Variants in KISS1 observed in about 807,000 individuals in gnomAD.
KISS1 encodes the protein KiSS-1 metastasis suppressor, also known as metastasis-suppressor KiSS-1.
For synonymous variants in KISS1, 97 were observed against 88.7 expected (o/e 1.09, Z -0.52); for missense variants, 182 against 182.7 (o/e 1.00, Z 0.02).
chr1:204,195,499 C>T (rs1658840821), intron 1 of KISS1, among the ~76,000 whole-genome samples: 1 of 149,100 alleles, frequency 6.7e-6, no homozygotes, highest in Non-Finnish European at 1.5e-5. Flanking sequence ...ATCATACACA[C>T]ACATACACCA....
Position 204,190,816 on chromosome 1 carries a change from A to G in KISS1, c.104-19T>C. The G allele has an allele frequency of 6.2e-7, 1 of 1,602,974 alleles. No homozygotes were observed. The highest frequency in any genetic ancestry group is 8.5e-7 in the Non-Finnish European group (1 of 1,173,826). Reference sequence around the variant, plus strand: ...TGCTGGCCTAGGACAGAGGGCACAGAAAGATGAGGCCGGGGTCCGGGAAAG... The same window carrying G: ...TGCTGGCCTAGGACAGAGGGCACAGGAAGATGAGGCCGGGGTCCGGGAAAG... On this transcript the variant is annotated intron_variant, in intron 2 of 2. Transcript: ENST00000367194.
Position 204,190,509 on chromosome 1 carries a change from T to C in KISS1, c.392A>G (p.His131Arg), listed in dbSNP as rs1336218292. Residue 131 changes from histidine (H) to arginine (R), a missense_variant, in exon 3 of 3, where the codon CAC (histidine) becomes CGC (arginine). Coordinates refer to ENST00000367194, the MANE Select transcript of KISS1 (RefSeq NM_002256.4). Reference sequence around the variant, plus strand: ...TCAGCCCCGCCCAGCGCTTCTGCCGTGGTTCCCTGGTGCCGCCTCCCGCTT... The same window carrying C: ...TCAGCCCCGCCCAGCGCTTCTGCCGCGGTTCCCTGGTGCCGCCTCCCGCTT... ...FGKREAAPGNHGRSAGRG is the reference protein window; with the variant it reads ...FGKREAAPGNRGRSAGRG The C allele has an allele frequency of 6.3e-7, 1 of 1,595,912 alleles. No homozygotes were observed. Among genetic ancestry groups the C allele is most frequent in the Non-Finnish European group, 8.5e-7 (1 of 1,173,220 alleles).
In KISS1 at chr1:204,190,696, T is replaced by C; in HGVS notation, c.205A>G (p.Thr69Ala). The change falls in exon 3 of 3, where the codon ACC becomes GCC. Residue 69 changes from threonine to alanine, a missense_variant. Physicochemically the swap from Thr to Ala is moderately conservative, Grantham distance 58. Coordinates refer to ENST00000367194, the MANE Select transcript of KISS1 (RefSeq NM_002256.4). ...AATARLSRRGTSLSPPPESSG... is the reference protein window; with the variant it reads ...AATARLSRRGASLSPPPESSG... ...CTCTCGGGGGGCGGGGACAGCGAGGTCCCCCGACGGCTCAGCCTGGCAGTA... is the reference window on the plus strand; with the variant it reads ...CTCTCGGGGGGCGGGGACAGCGAGGCCCCCCGACGGCTCAGCCTGGCAGTA... The C allele has an allele frequency of 6.3e-7, 1 of 1,596,908 alleles. No homozygotes were observed. Among genetic ancestry groups the C allele is most frequent in the Non-Finnish European group, 8.5e-7 (1 of 1,173,534 alleles).
intron 1 of KISS1, among the ~76,000 whole-genome samples, chr1:204,195,225 ACACATATACACGCATACACCCAT>A: frequency 7.0e-6 from 1 of 142,066 alleles, no homozygotes; most frequent in Non-Finnish European, 1.6e-5. Flanking sequence ...ACACACCCAT[ACACATATACACGCATACACCCAT>A]ACACACACAT....
chr1:204,192,638 G>A lies in KISS1; in HGVS notation c.103+136C>T. ...GTTAACAGGACCCCCTCAATGAGTT[G>A]CATGTGTGCCAGTCTTAGATTTCCA... On this transcript the variant is annotated intron_variant, in intron 2 of 2. Transcript: ENST00000367194. This position sits in a 1 kb window ranked among gnomAD's most constrained non-coding sequence, Gnocchi z 4.2. 1 of 693,036 alleles carries A rather than the reference G, an allele frequency of 1.4e-6. No individual in the cohort carries two copies. Among genetic ancestry groups the A allele is most frequent in the Non-Finnish European group, 2.7e-6 (1 of 376,576 alleles). 42.9% of individuals were successfully genotyped at this position (693,036 alleles called of 1,614,324 possible).
Position 204,192,900 on chromosome 1 carries a change from A to G in KISS1, c.-24T>C. 6.7e-7 allele frequency: 1 copy of G among 1,483,350 alleles called. No homozygotes were observed. Among genetic ancestry groups the G allele is most frequent in the Non-Finnish European group, 9.3e-7 (1 of 1,077,404 alleles). 91.9% of individuals were successfully genotyped at this position (1,483,350 alleles called of 1,614,324 possible). Reference sequence around the variant, plus strand: ...ATCTTGGTGAGAAGAGGCAGGTCCTAGAAGTGCCTTGAGGCTGAGACAGAG... The same window carrying G: ...ATCTTGGTGAGAAGAGGCAGGTCCTGGAAGTGCCTTGAGGCTGAGACAGAG... On this transcript the variant is annotated 5_prime_UTR_variant, in exon 2 of 3. Coordinates refer to ENST00000367194, the MANE Select transcript of KISS1 (RefSeq NM_002256.4). The surrounding 1 kb of genome is among the most constrained non-coding windows in gnomAD (Gnocchi z 4.2).
Position 204,190,662 on chromosome 1 carries a change from C to G in KISS1, c.239G>C (p.Ser80Thr), listed in dbSNP as rs1354576158. ...SLSPPPESSG[S>T]PQQPGLSAPH... ...GGCGGACAGGCCCGGCTGCTGGGGG[C>G]TCCCGGAGCTCTCGGGGGGCGGGGA... The change falls in exon 3 of 3, where the codon AGC becomes ACC. Residue 80 changes from serine (S) to threonine (T), a missense_variant. Coordinates refer to ENST00000367194, the MANE Select transcript of KISS1 (RefSeq NM_002256.4). 1 of 1,586,036 alleles carries G rather than the reference C, an allele frequency of 6.3e-7. No individual in the cohort carries two copies.
At position 204,192,908 on chromosome 1, in the gene KISS1, C is replaced by G. The variant is rs1658772534; in HGVS notation, c.-32G>C. The G allele has an allele frequency of 5.6e-6, 8 of 1,438,638 alleles. No individual in the cohort carries two copies. Among genetic ancestry groups the G allele is most frequent in the Non-Finnish European group, 7.7e-6 (8 of 1,039,330 alleles). The allele number at this position is 1,438,638 out of a possible 1,614,324, so 89.1% of individuals were successfully genotyped here. A position where few individuals can be genotyped will look rare whatever the true frequency, so the allele number is the denominator to read the frequency against. On this transcript the variant is annotated 5_prime_UTR_variant, in exon 2 of 3. Transcript: ENST00000367194. The surrounding 1 kb of genome is among the most constrained non-coding windows in gnomAD (Gnocchi z 4.2). ...GAGAAGAGGCAGGTCCTAGAAGTGC[C>G]TTGAGGCTGAGACAGAGAGAGGGAA...
Position 204,192,359 on chromosome 1 carries a change from T to C in KISS1, c.103+415A>G, listed in dbSNP as rs1331887943. Among the ~76,000 whole-genome samples, 1 of 151,598 alleles carries C rather than the reference T, an allele frequency of 6.6e-6. No homozygotes were observed. Among genetic ancestry groups the C allele is most frequent in the African/African-American group, 2.4e-5 (1 of 41,206 alleles). On this transcript the variant is annotated intron_variant, in intron 2 of 2. Coordinates refer to ENST00000367194, the MANE Select transcript of KISS1 (RefSeq NM_002256.4). This position sits in a 1 kb window ranked among gnomAD's most constrained non-coding sequence, Gnocchi z 4.2. ...AGACAGTTCATTGTCTCCAAAAGGT[T>C]AATAGGTATCAAATATCTGCCCTTT... is the stretch of plus-strand genomic sequence containing the variant.
At chr1:204,195,319 T>TACACCACACACACCACAC (rs1658831433) in intron 1 of KISS1, among the ~76,000 whole-genome samples, 1 of 3,846 alleles carries the variant, frequency 2.6e-4, no homozygotes, top group Non-Finnish European at 5.6e-4. Context: ...CACATACACA[T>TACACCACACACACCACAC]ATGCCACACA....
Position 204,193,000 on chromosome 1 carries a change from G to T in KISS1, c.-38-86C>A. ...GGCAGAGCCCAGTGCAAAAGGGACA[G>T]TCCTCCAAGAGAGGGGCAAGTTCTT... On this transcript the variant is annotated intron_variant, in intron 1 of 2. Transcript: ENST00000367194. This position sits in a 1 kb window ranked among gnomAD's most constrained non-coding sequence, Gnocchi z 4.2. 3 of 731,286 alleles carry T rather than the reference G, an allele frequency of 4.1e-6. No homozygotes were observed. Among genetic ancestry groups the T allele is most frequent in the Non-Finnish European group, 7.3e-6 (3 of 411,116 alleles). The allele number at this position is 731,286 out of a possible 1,614,324, so 45.3% of individuals were successfully genotyped here. A position where few individuals can be genotyped will look rare whatever the true frequency, so the allele number is the denominator to read the frequency against.
At chr1:204,194,387 G>A (rs571099898) in intron 1 of KISS1, among the ~76,000 whole-genome samples, 1 of 152,308 alleles carries the variant, frequency 6.6e-6, no homozygotes, top group South Asian at 2.1e-4. Context: ...CCAGGGCTGG[G>A]GCACGGAGTA....
At position 204,192,888 on chromosome 1, in the gene KISS1, GA is replaced by G; in HGVS notation, c.-13del. On this transcript the variant is annotated 5_prime_UTR_variant, in exon 2 of 3. Coordinates refer to ENST00000367194, the MANE Select transcript of KISS1 (RefSeq NM_002256.4). This position sits in a 1 kb window ranked among gnomAD's most constrained non-coding sequence, Gnocchi z 4.2. ...ACCAGTGAGTTCATCTTGGTGAGAAGAGGCAGGTCCTAGAAGTGCCTTGAGG... is the reference window on the plus strand; with the variant it reads ...ACCAGTGAGTTCATCTTGGTGAGAAGGGCAGGTCCTAGAAGTGCCTTGAGG... 6.4e-7 allele frequency: 1 copy of G among 1,556,898 alleles called. No individual in the cohort carries two copies.
chr1:204,195,452 A>ATATCACAC (rs1658838896), intron 1 of KISS1, among the ~76,000 whole-genome samples: 1 of 146,748 alleles, frequency 6.8e-6, no homozygotes, highest in African/African-American at 2.5e-5. Context: ...CCATACACAC[A>ATATCACAC]ACATACACAC....
chr1:204,194,989 G>A (rs1658809895), intron 1 of KISS1, among the ~76,000 whole-genome samples: 1 of 151,978 alleles, frequency 6.6e-6, no homozygotes, highest in African/African-American at 2.4e-5. Flanking sequence ...GAAGCAGGGT[G>A]GTGGGCCAGG....
At position 204,190,448 on chromosome 1, in the gene KISS1, T is replaced by C. The variant is rs1658712502; in HGVS notation, c.*36A>G. On this transcript the variant is annotated 3_prime_UTR_variant, in exon 3 of 3. Coordinates refer to ENST00000367194, the MANE Select transcript of KISS1 (RefSeq NM_002256.4). ...CCCCGCCCCGCATGCTCTGACTCCTTTGGGGTCTGAAGTTCACTGCCCCGC... is the reference window on the plus strand; with the variant it reads ...CCCCGCCCCGCATGCTCTGACTCCTCTGGGGTCTGAAGTTCACTGCCCCGC... The C allele has an allele frequency of 3.7e-6, 4 of 1,084,096 alleles. No individual in the cohort carries two copies. Among genetic ancestry groups the C allele is most frequent in the Non-Finnish European group, 5.3e-6 (4 of 754,598 alleles). 67.2% of individuals were successfully genotyped at this position (1,084,096 alleles called of 1,614,324 possible).
Position 204,192,093 on chromosome 1 carries a change from A to G in KISS1, c.103+681T>C, listed in dbSNP as rs929892724. ...CCAAGTTTTATAGCTGGGGGAACTC[A>G]GGTCCAGAGAAGCTAAGTCATGGGT... On this transcript the variant is annotated intron_variant, in intron 2 of 2. Coordinates refer to ENST00000367194, the MANE Select transcript of KISS1 (RefSeq NM_002256.4). The surrounding 1 kb of genome is among the most constrained non-coding windows in gnomAD (Gnocchi z 4.2). Among the ~76,000 whole-genome samples, 1 of 152,198 alleles carries G rather than the reference A, an allele frequency of 6.6e-6. No homozygotes were observed. Among genetic ancestry groups the G allele is most frequent in the East Asian group, 1.9e-4 (1 of 5,194 alleles).
In KISS1 at chr1:204,190,484, T is replaced by G. The variant is rs1429366684; in HGVS notation, c.417A>C (p.Ter139CysextTer41). The G allele has an allele frequency of 3.3e-6, 3 of 921,618 alleles. No homozygotes were observed. The highest frequency in any genetic ancestry group is 4.4e-6 in the Non-Finnish European group (3 of 688,988). The allele number at this position is 921,618 out of a possible 1,614,324, so 57.1% of individuals were successfully genotyped here. The change falls in exon 3 of 3, where the codon TGA (stop) becomes TGC (cysteine). Residue 139 changes from the stop codon to cysteine, a stop_lost. Transcript: ENST00000367194. ...AGTTCACTGCCCCGCACCTGCGCCC[T>G]CAGCCCCGCCCAGCGCTTCTGCCGT... The part of the protein sequence containing the change: ...GNHGRSAGRG[*>C]
chr1:204,195,204 CATATAT>C (rs1658817738), intron 1 of KISS1, among the ~76,000 whole-genome samples: 2 of 150,762 alleles, frequency 1.3e-5, no homozygotes, highest in South Asian at 2.1e-4. Context: ...ACACCACACA[CATATAT>C]ACGCACACAC....
Sources: gnomAD v4.1 joint callset for allele counts (sites outside exome capture counted in the v4.1 genomes callset) on GRCh38, gnomAD v4.1.1 for gene constraint, Gnocchi (gnomAD v3.1) non-coding constraint, MANE v1.5 for transcripts, NCBI Gene and HGNC (gene_info 2026-07-23, HGNC 2026-07-21) for gene names.